The following SCAMP1 variants were observed in gnomAD, a reference collection of about 807,000 sequenced individuals.
The protein encoded by SCAMP1 is secretory carrier membrane protein 1.
SCAMP1 carries 15 observed loss-of-function variants against 41.8 expected under a neutral mutation model. The observed-to-expected ratio is 0.36, with a 90% CI of 0.24 to 0.55. The LOEUF (loss-of-function observed/expected upper bound fraction) is 0.55, where lower values mean the gene tolerates loss of function less well. SCAMP1 is among the 20% of genes least tolerant of loss of function. SCAMP1 has a pLI of 0.86. For synonymous variants in SCAMP1, 135 were observed against 136.8 expected (o/e 0.99, Z 0.09); for missense variants, 341 against 412.6 (o/e 0.83, Z 1.50).
chr5:78,416,856 G>A (rs1198906946), intron 4 of SCAMP1, among the ~76,000 whole-genome samples: 1 of 152,078 alleles, frequency 6.6e-6, no homozygotes, highest in Non-Finnish European at 1.5e-5. Flanking sequence ...TGATAGCTTA[G>A]AACAGTGTTA....
chr5:78,382,329 C>T lies in SCAMP1; in HGVS notation c.58-6508C>T, dbSNP rs142388772. On this transcript the variant is annotated intron_variant, in intron 1 of 8. Coordinates refer to ENST00000621999, the MANE Select transcript of SCAMP1 (RefSeq NM_004866.6). ...AGATGTTCATTATAAATGCTTTTCACATGAATTACATAGTTGATTTTGTTG... is the reference window on the plus strand; with the variant it reads ...AGATGTTCATTATAAATGCTTTTCATATGAATTACATAGTTGATTTTGTTG... 3.3e-3 allele frequency among the ~76,000 whole-genome samples: 509 copies of T among 152,282 alleles called. 3 individuals carry two copies. The highest frequency in any genetic ancestry group is 0.014 in the Middle Eastern group (4 of 294).
intron 6 of SCAMP1, among the ~76,000 whole-genome samples, chr5:78,440,476 C>G (rs1262692975): frequency 1.3e-5 from 2 of 152,224 alleles, no homozygotes; most frequent in African/African-American, 2.4e-5. Flanking sequence ...TGGAGGTCCA[C>G]TCCAGACTGT....
intron 7 of SCAMP1, among the ~76,000 whole-genome samples, chr5:78,453,812 C>T (rs1753308078): frequency 6.6e-6 from 1 of 151,668 alleles, no homozygotes; most frequent in South Asian, 2.1e-4. Context: ...TTCTTCCTAC[C>T]CATGAGCATG....
rs573435991 is a variant in SCAMP1 at position 78,414,292 on chromosome 5, T to C, written c.136-1228T>C. On this transcript the variant is annotated intron_variant, in intron 2 of 8. Coordinates refer to ENST00000621999, the MANE Select transcript of SCAMP1 (RefSeq NM_004866.6). ...TTTAATTTTTATTTTATTATTATTATTATTTTTTGAGATGGAGTCTTGCTC... is the reference window on the plus strand; with the variant it reads ...TTTAATTTTTATTTTATTATTATTACTATTTTTTGAGATGGAGTCTTGCTC... 3.0e-4 allele frequency among the ~76,000 whole-genome samples: 45 copies of C among 152,048 alleles called. 1 individual carries two copies. In the South Asian group the frequency reaches 7.5e-3, roughly 25 times the overall value.
intron 2 of SCAMP1, among the ~76,000 whole-genome samples, chr5:78,413,002 G>C (rs1752118410): frequency 6.6e-6 from 1 of 152,142 alleles, no homozygotes; most frequent in African/African-American, 2.4e-5. Flanking sequence ...AGTATTTCTA[G>C]AGTTCATATT....
At chr5:78,387,201 G>A (rs909195640) in intron 1 of SCAMP1, among the ~76,000 whole-genome samples, 6 of 151,860 alleles carry the variant, frequency 4.0e-5, no homozygotes, top group African/African-American at 1.5e-4. Flanking sequence ...CGAAAGCCTT[G>A]TGTTTGAGCT....
chr5:78,471,015 C>A (rs1467419274), intron 8 of SCAMP1, among the ~76,000 whole-genome samples: 2 of 152,120 alleles, frequency 1.3e-5, no homozygotes, highest in East Asian at 3.8e-4. Context: ...TAATCCTCAG[C>A]AGGTAGTAAT....
chr5:78,391,275 CG>C (rs1751489864), intron 2 of SCAMP1, among the ~76,000 whole-genome samples: 4 of 144,462 alleles, frequency 2.8e-5, no homozygotes, highest in Admixed American at 6.8e-5. Context: ...GCTGGCCGGG[CG>C]GGGGGCTGAC....
At chr5:78,464,150 T>C (rs1246541720) in intron 8 of SCAMP1, among the ~76,000 whole-genome samples, 1 of 150,116 alleles carries the variant, frequency 6.7e-6, no homozygotes, top group Non-Finnish European at 1.5e-5. Context: ...GCTATTTTTT[T>C]TTTTCTTTTT....
chr5:78,443,304 A>T (rs181199159), intron 6 of SCAMP1, among the ~76,000 whole-genome samples: 6 of 150,628 alleles, frequency 4.0e-5, no homozygotes, highest in African/African-American at 1.2e-4. Context: ...TATTTGGATT[A>T]TTTGACCTCT....
rs118147404 is a variant in SCAMP1, at chr5:78,373,655, A to G, written c.57+12927A>G. Among the ~76,000 whole-genome samples, 5 of 152,232 alleles carry G rather than the reference A, an allele frequency of 3.3e-5. No individual in the cohort carries two copies. In the East Asian group the frequency reaches 7.7e-4, roughly 23 times the overall value. On this transcript the variant is annotated intron_variant, in intron 1 of 8. Coordinates refer to ENST00000621999, the MANE Select transcript of SCAMP1 (RefSeq NM_004866.6). ...TTAGGCATATTATCTTTTTTTGACT[A>G]TAGTTCAGTCAGAACATGTTTTCAT...
chr5:78,362,895 CTT>C (rs397962842), intron 1 of SCAMP1, among the ~76,000 whole-genome samples: 4 of 136,574 alleles, frequency 2.9e-5, no homozygotes, highest in Non-Finnish European at 3.1e-5. Flanking sequence ...TCTTTTTTTA[CTT>C]TTTTTTTTTT....
chr5:78,366,697 A>T (rs1320303924), intron 1 of SCAMP1, among the ~76,000 whole-genome samples: 1 of 152,174 alleles, frequency 6.6e-6, no homozygotes, highest in African/African-American at 2.4e-5. Flanking sequence ...TCTGTTTAAA[A>T]TTTTGAGGCT....
chr5:78,422,237 C>T (rs537453686), intron 6 of SCAMP1, among the ~76,000 whole-genome samples: 84 of 151,446 alleles, frequency 5.5e-4, no homozygotes, highest in African/African-American at 2.0e-3. Flanking sequence ...AAAATATTCT[C>T]TTCCATATGT....
At position 78,421,913 on chromosome 5, in the gene SCAMP1, T is replaced by C; in HGVS notation, c.585T>C (p.Thr195=). 1.9e-6 allele frequency: 3 copies of C among 1,613,822 alleles called. No homozygotes were observed. Among genetic ancestry groups the C allele is most frequent in the Non-Finnish European group, 1.7e-6 (2 of 1,179,802 alleles). The change falls in exon 6 of 9, where the codon ACT becomes ACC. Residue 195 remains threonine, a synonymous_variant. Transcript: ENST00000621999. ...GTATCCTGTGGTTCTTGCTTTTTAC[T>C]CCTTGTTCATTTGTCTGTTGGTACA... ...GLSILWFLLF[T]PCSFVCWYRP...
rs561501078 is a variant in SCAMP1 at position 78,364,504 on chromosome 5, C to T, written c.57+3776C>T. On this transcript the variant is annotated intron_variant, in intron 1 of 8. Coordinates refer to ENST00000621999, the MANE Select transcript of SCAMP1 (RefSeq NM_004866.6). ...TTAAAAAACAAAGCCCACAGAGGCA[C>T]ACTTGCTCATTGTCTTGTGCCCATG... Among the ~76,000 whole-genome samples the T allele has an allele frequency of 2.1e-4, 32 of 152,280 alleles. No individual in the cohort carries two copies. In the South Asian group the frequency reaches 6.0e-3, roughly 29 times the overall value.
At chr5:78,444,370 T>TA (rs1163749741) in intron 6 of SCAMP1, among the ~76,000 whole-genome samples, 1 of 152,192 alleles carries the variant, frequency 6.6e-6, no homozygotes, top group Non-Finnish European at 1.5e-5. Context: ...AGGTATGTCT[T>TA]ACATGGTGGC....
chr5:78,462,227 G>GTGTGTC (rs1491086301), intron 8 of SCAMP1, among the ~76,000 whole-genome samples: 1 of 150,466 alleles, frequency 6.6e-6, no homozygotes, highest in East Asian at 1.9e-4. Context: ...GTGTGTGTGT[G>GTGTGTC]TCTATTGTAA....
intron 8 of SCAMP1, among the ~76,000 whole-genome samples, chr5:78,460,760 CCTT>C: frequency 1.9e-4 from 6 of 31,464 alleles, no homozygotes; most frequent in African/African-American, 1.2e-3. Context: ...TTCCTTCCTT[CCTT>C]CCTTCCTTCC....
Sources: allele counts gnomAD v4.1 joint callset (sites outside exome capture counted in the v4.1 genomes callset), GRCh38; gene constraint gnomAD v4.1.1; transcripts MANE v1.5; gene names NCBI Gene and HGNC (gene_info 2026-07-23, HGNC 2026-07-21).